The following XKR9 variants were observed in gnomAD, a reference collection of about 807,000 sequenced individuals.
The protein encoded by XKR9 is XK related 9.
In XKR9, 32 loss-of-function variants were observed where a neutral mutation model predicts 32.0. The observed-to-expected ratio is 1.00, with a 90% confidence interval of 0.76 to 1.34. The LOEUF is 1.34. XKR9 is among the 40% of genes most tolerant of loss of function. XKR9 has a pLI of 0.00. For missense variants in XKR9, 546 were observed against 429.7 expected (o/e 1.27, Z -2.39); for synonymous variants, 168 against 143.4 (o/e 1.17, Z -1.22).
At chr8:70,686,152 A>G (rs1257039625) in intron 3 of XKR9, among the ~76,000 whole-genome samples, 3 of 151,602 alleles carry the variant, frequency 2.0e-5, no homozygotes, top group African/African-American at 7.2e-5. Context: ...TTTGAAGCAT[A>G]ATTTCACAGG....
chr8:70,726,887 C>T (rs1241558628), intron 4 of XKR9, among the ~76,000 whole-genome samples: 3 of 152,180 alleles, frequency 2.0e-5, no homozygotes, highest in Non-Finnish European at 2.9e-5. Context: ...TGCTCCTCCT[C>T]TCATCAAACA....
At chr8:70,743,873 TCGAC>T (rs1448444269) in intron 2 of XKR9, among the ~76,000 whole-genome samples, 1 of 152,114 alleles carries the variant, frequency 6.6e-6, no homozygotes, top group Non-Finnish European at 1.5e-5. Flanking sequence ...CTTCCAGATG[TCGAC>T]CTCTCTCCAG....
chr8:70,802,023 G>A, the XKR9 span, among the ~76,000 whole-genome samples: 15 of 149,582 alleles, frequency 1.0e-4, no homozygotes, highest in African/African-American at 2.5e-4. Flanking sequence ...TGCAAGCTCC[G>A]CCTCCCAGGT....
chr8:70,781,780 C>T (rs912091919), intron 2 of XKR9, among the ~76,000 whole-genome samples: 4 of 151,978 alleles, frequency 2.6e-5, no homozygotes, highest in African/African-American at 9.7e-5. Context: ...AAAGAGTATA[C>T]TCTTGATAGA....
chr8:70,905,801 G>A, the XKR9 span, among the ~76,000 whole-genome samples: 8 of 152,154 alleles, frequency 5.3e-5, no homozygotes, highest in African/African-American at 1.9e-4. Flanking sequence ...CACGGATGGG[G>A]TTTTGGTGTG....
At chr8:70,938,840 A>C in the XKR9 span, among the ~76,000 whole-genome samples, 1 of 152,004 alleles carries the variant, frequency 6.6e-6, no homozygotes, top group Non-Finnish European at 1.5e-5. Context: ...CATCTCTAGT[A>C]TCTCCATGTA....
chr8:70,812,745 G>A, the XKR9 span, among the ~76,000 whole-genome samples: 125 of 152,148 alleles, frequency 8.2e-4, no homozygotes, highest in Non-Finnish European at 1.6e-3. Flanking sequence ...GGGATATGAA[G>A]GACCTCTTCA....
chr8:70,732,497 A>G (rs1401224953), intron 4 of XKR9, among the ~76,000 whole-genome samples: 1 of 152,188 alleles, frequency 6.6e-6, no homozygotes, highest in Non-Finnish European at 1.5e-5. Context: ...GGGCTACTGA[A>G]CCATGGGCTG....
the XKR9 span, among the ~76,000 whole-genome samples, chr8:70,944,039 A>C: frequency 6.6e-6 from 1 of 152,312 alleles, no homozygotes; most frequent in South Asian, 2.1e-4. Context: ...GATGGTTTAC[A>C]ATACTGAAAT....
At chr8:70,874,291 G>T in the XKR9 span, among the ~76,000 whole-genome samples, 2 of 151,726 alleles carry the variant, frequency 1.3e-5, no homozygotes, top group African/African-American at 4.8e-5. Flanking sequence ...ACGTATGAAG[G>T]TTACTTTTAC....
intron 2 of XKR9, among the ~76,000 whole-genome samples, chr8:70,785,187 T>A (rs1563480051): frequency 6.6e-6 from 1 of 152,066 alleles, no homozygotes; most frequent in South Asian, 2.1e-4. Context: ...ATCTCCTTAC[T>A]AATTATTGGT....
chr8:70,974,860 T>G, the XKR9 span, among the ~76,000 whole-genome samples: 2 of 152,196 alleles, frequency 1.3e-5, no homozygotes, highest in Admixed American at 1.3e-4. Flanking sequence ...CCACCAACAG[T>G]GTAAAAGCAT....
At chr8:70,939,082 T>C in the XKR9 span, among the ~76,000 whole-genome samples, 18 of 152,022 alleles carry the variant, frequency 1.2e-4, no homozygotes, top group Non-Finnish European at 1.0e-4. Context: ...CCATTAAAAT[T>C]GCTGGTCCTT....
At chr8:70,916,422 AT>A in the XKR9 span, among the ~76,000 whole-genome samples, 1 of 152,184 alleles carries the variant, frequency 6.6e-6, no homozygotes, top group Non-Finnish European at 1.5e-5. Context: ...GGTTATGTGT[AT>A]ATGGATCTGT....
At chr8:70,935,717 G>A in the XKR9 span, among the ~76,000 whole-genome samples, 1 of 152,022 alleles carries the variant, frequency 6.6e-6, no homozygotes, top group Non-Finnish European at 1.5e-5. Flanking sequence ...TGTTAACTCA[G>A]ATTTGAAGCA....
intron 2 of XKR9, among the ~76,000 whole-genome samples, chr8:70,756,775 A>T (rs56725947): frequency 0.018 from 2,718 of 152,308 alleles, 74 homozygotes; most frequent in African/African-American, 0.063. Context: ...TTCTACATAT[A>T]AGATCATGTC....
chr8:70,863,110 A>G, the XKR9 span, among the ~76,000 whole-genome samples: 11 of 152,220 alleles, frequency 7.2e-5, no homozygotes, highest in East Asian at 1.7e-3. Flanking sequence ...AGCCAGAGAG[A>G]CTAGAGCCTT....
Position 70,734,074 on chromosome 8 carries a change from A to G in XKR9, c.772A>G (p.Ser258Gly), listed in dbSNP as rs752748494. ...KNNTQFCTCI[S>G]MEFLYRIVVG... ...CAACACCCAGTTTTGTACTTGTATAAGTATGGAATTCTTATATAGGATTGT... is the reference window on the plus strand; with the variant it reads ...CAACACCCAGTTTTGTACTTGTATAGGTATGGAATTCTTATATAGGATTGT... The change falls in exon 5 of 5, where the codon AGT (serine) becomes GGT (glycine). Residue 258 changes from serine (S) to glycine (G), a missense_variant. Physicochemically the swap from Ser to Gly is moderately conservative, Grantham distance 56. Coordinates refer to ENST00000408926, the MANE Select transcript of XKR9 (RefSeq NM_001011720.2). The G allele has an allele frequency of 3.7e-6, 6 of 1,613,142 alleles. No homozygotes were observed. The Admixed American group carries it at 5.0e-5, about 13-fold the overall frequency.
chr8:70,989,052 C>G, the XKR9 span, among the ~76,000 whole-genome samples: 7,935 of 152,246 alleles, frequency 0.052, 305 homozygotes, highest in Non-Finnish European at 0.087. Context: ...CTTTCTTCAT[C>G]CATTCATCTG....
Sources: allele counts gnomAD v4.1 joint callset (sites outside exome capture counted in the v4.1 genomes callset), GRCh38; gene constraint gnomAD v4.1.1; transcripts MANE v1.5; gene names NCBI Gene and HGNC (gene_info 2026-07-23, HGNC 2026-07-21).